The following TSPAN14 variants were observed in gnomAD, a reference collection of about 807,000 sequenced individuals.
TSPAN14 encodes tetraspanin 14.
In TSPAN14, 16 loss-of-function variants were observed where a neutral mutation model predicts 36.6. The ratio of observed to expected loss-of-function variants is 0.44; its 90% CI spans 0.30 to 0.66. The LOEUF is 0.66. Ranked by LOEUF, TSPAN14 falls within the 30% of genes least tolerant of loss-of-function variation. The pLI, the probability that TSPAN14 is intolerant of heterozygous loss-of-function variation, is 0.12. For missense variants in TSPAN14, 231 were observed against 355.1 expected (o/e 0.65, Z 2.81); for synonymous variants, 139 against 143.8 (o/e 0.97, Z 0.24).
intron 4 of TSPAN14, among the ~76,000 whole-genome samples, chr10:80,508,510 G>C (rs1462462018): frequency 2.6e-5 from 4 of 152,212 alleles, no homozygotes; most frequent in African/African-American, 9.6e-5. Flanking sequence ...GATAATGTCT[G>C]TGAGAGCGCA....
intron 1 of TSPAN14, among the ~76,000 whole-genome samples, chr10:80,472,794 T>G (rs1325817200): frequency 6.6e-6 from 1 of 152,240 alleles, no homozygotes; most frequent in Non-Finnish European, 1.5e-5. Flanking sequence ...TCCGTTGTTA[T>G]TATTGTTTAT....
chr10:80,460,761 G>C (rs143774184), intron 1 of TSPAN14, among the ~76,000 whole-genome samples: 160 of 152,204 alleles, frequency 1.1e-3, no homozygotes, highest in African/African-American at 3.3e-3. Context: ...CATGGACCTG[G>C]GTCCTTGTTT....
chr10:80,470,945 G>T (rs1846514791), intron 1 of TSPAN14, among the ~76,000 whole-genome samples: 1 of 152,214 alleles, frequency 6.6e-6, no homozygotes, highest in Admixed American at 6.5e-5. Context: ...GTTGCAGTGT[G>T]TCCCTCCCTA....
At chr10:80,493,661 CTG>C (rs1248852222) in intron 2 of TSPAN14, among the ~76,000 whole-genome samples, 7 of 152,174 alleles carry the variant, frequency 4.6e-5, no homozygotes, top group Non-Finnish European at 1.0e-4. Context: ...AAGACAAACA[CTG>C]TATAATTCCA....
intron 1 of TSPAN14, among the ~76,000 whole-genome samples, chr10:80,461,922 T>TTG (rs1845991905): frequency 1.3e-5 from 2 of 151,738 alleles, no homozygotes; most frequent in Admixed American, 6.6e-5. Flanking sequence ...TGCCTTTTTT[T>TTG]TTTTTCCTTC....
At chr10:80,461,701 G>T (rs536272636) in intron 1 of TSPAN14, among the ~76,000 whole-genome samples, 18 of 152,218 alleles carry the variant, frequency 1.2e-4, no homozygotes, top group African/African-American at 4.3e-4. Flanking sequence ...CAGGTGCCAG[G>T]ATTTGGTGTG....
At chr10:80,511,716 CTCT>C (rs1840640802) in intron 5 of TSPAN14, among the ~76,000 whole-genome samples, 1 of 16,378 alleles carries the variant, frequency 6.1e-5, no homozygotes, top group Non-Finnish European at 1.1e-4. Context: ...CAGGTCCTCT[CTCT>C]CTCTCTCTCT....
chr10:80,508,019 AAAAAG>A, intron 4 of TSPAN14, among the ~76,000 whole-genome samples: 1 of 151,980 alleles, frequency 6.6e-6, no homozygotes, highest in East Asian at 1.9e-4. Context: ...TCTGGAAAAA[AAAAAG>A]AAAAGCTATG....
intron 5 of TSPAN14, among the ~76,000 whole-genome samples, chr10:80,511,736 C>G (rs1240012731): frequency 2.3e-5 from 3 of 132,442 alleles, no homozygotes; most frequent in African/African-American, 8.5e-5. Flanking sequence ...CTCTCTCTCT[C>G]TCTCTCTCTC....
chr10:80,486,532 G>A (rs1847609911), intron 1 of TSPAN14, among the ~76,000 whole-genome samples: 2 of 152,284 alleles, frequency 1.3e-5, no homozygotes, highest in South Asian at 4.1e-4. Context: ...TACTGCTTCC[G>A]GAGAGTTCTT....
intron 6 of TSPAN14, among the ~76,000 whole-genome samples, chr10:80,513,449 T>A (rs536164463): frequency 5.9e-5 from 9 of 152,298 alleles, no homozygotes; most frequent in African/African-American, 1.9e-4. Context: ...TCAGATTTGC[T>A]GAAGCTGCAC....
intron 1 of TSPAN14, among the ~76,000 whole-genome samples, chr10:80,479,186 A>G (rs896193060): frequency 3.3e-5 from 5 of 151,700 alleles, no homozygotes; most frequent in African/African-American, 1.2e-4. Flanking sequence ...CAGATTCTGG[A>G]TATTAGCCCT....
At position 80,509,619 on chromosome 10, in the gene TSPAN14, A is replaced by C; in HGVS notation, c.450+148A>C. The C allele has an allele frequency of 1.3e-6, 1 of 780,470 alleles. No homozygotes were observed. The allele number at this position is 780,470 out of a possible 1,614,324, so 48.3% of individuals were successfully genotyped here. On this transcript the variant is annotated intron_variant, in intron 5 of 8. Coordinates refer to ENST00000429989, the Ensembl canonical transcript of TSPAN14. This position sits in a 1 kb window ranked among gnomAD's most constrained non-coding sequence, Gnocchi z 4.7. ...GGGAGGCCGTGGAACAAGCCACTCC[A>C]CCTCTGGTCTGTTCCACTTTGCCGG...
rs778911823 is a variant in TSPAN14, at chr10:80,497,651, A to G, written c.82-7077A>G. On this transcript the variant is annotated intron_variant, in intron 2 of 8. Transcript: ENST00000429989. ...TCCCTCTCTCCTGGGGGTACTGCCT[A>G]TCACCTCCCTTGAATGGCTGTGCTC... 3.5e-4 allele frequency among the ~76,000 whole-genome samples: 54 copies of G among 152,138 alleles called. 1 individual carries two copies. The highest frequency in any genetic ancestry group is 2.9e-4 in the Non-Finnish European group (20 of 68,022).
intron 5 of TSPAN14, among the ~76,000 whole-genome samples, chr10:80,511,771 T>TCCCTCTCC (rs1840664161): frequency 8.1e-6 from 1 of 123,160 alleles, no homozygotes; most frequent in African/African-American, 3.1e-5. Context: ...TCTCTCTCTC[T>TCCCTCTCC]CCCCTTTTTT....
intron 4 of TSPAN14, among the ~76,000 whole-genome samples, chr10:80,508,249 G>A (rs1297312137): frequency 2.0e-5 from 3 of 151,772 alleles, no homozygotes; most frequent in Non-Finnish European, 4.4e-5. Context: ...CCGAGTAGCT[G>A]GGACTACAGG....
At chr10:80,465,493 C>T (rs1289768977) in intron 1 of TSPAN14, among the ~76,000 whole-genome samples, 2 of 152,242 alleles carry the variant, frequency 1.3e-5, no homozygotes, top group Non-Finnish European at 2.9e-5. Flanking sequence ...TGAATCTGCC[C>T]ACTGAGCCAA....
intron 1 of TSPAN14, among the ~76,000 whole-genome samples, chr10:80,477,819 C>T (rs1847004604): frequency 6.6e-6 from 1 of 152,174 alleles, no homozygotes; most frequent in African/African-American, 2.4e-5. Context: ...CTCTAGTCTT[C>T]TAACCCCTTT....
rs1848492638 is a variant in TSPAN14 at position 80,501,122 on chromosome 10, T to G, written c.82-3606T>G. ...CTGACGCTGTTTTTTTTTTTTTTCT[T>G]TTTTTTTGGGAGACCTGGTCTTACT... On this transcript the variant is annotated intron_variant, in intron 2 of 8. Coordinates refer to ENST00000429989, the Ensembl canonical transcript of TSPAN14. 2.0e-5 allele frequency among the ~76,000 whole-genome samples: 3 copies of G among 151,864 alleles called. No individual in the cohort carries two copies. The South Asian group carries it at 6.2e-4, about 32-fold the overall frequency.
Sources: allele counts gnomAD v4.1 joint callset (sites outside exome capture counted in the v4.1 genomes callset), GRCh38; gene constraint gnomAD v4.1.1; non-coding constraint Gnocchi (gnomAD v3.1); transcripts MANE v1.5; gene names NCBI Gene and HGNC (gene_info 2026-07-23, HGNC 2026-07-21).